The following RAB4A variants were observed in gnomAD, a reference collection of about 807,000 sequenced individuals.
RAB4A encodes ras-related protein Rab-4A.
Under a neutral mutation model 34.5 loss-of-function variants are expected in RAB4A, and 20 were observed. The observed-to-expected ratio is 0.58, with a 90% confidence interval of 0.41 to 0.84. The LOEUF (loss-of-function observed/expected upper bound fraction) is 0.84. Among genes scored for constraint, RAB4A ranks in the 40% least tolerant of loss-of-function variants. RAB4A has a pLI of 0.00. For synonymous variants in RAB4A, 102 were observed against 100.0 expected, an observed-to-expected ratio of 1.02 and a Z score of -0.12; for missense variants, 228 against 274.5, an observed-to-expected ratio of 0.83 and a Z score of 1.20.
intron 1 of RAB4A, among the ~76,000 whole-genome samples, chr1:229,279,840 T>TATC (rs2308086): frequency 0.24 from 37,117 of 151,946 alleles, 5,165 homozygotes; most frequent in African/African-American, 0.39. Flanking sequence ...TGAATATAAT[T>TATC]ATAAACTGAG....
In RAB4A at chr1:229,305,287, T is replaced by C; in HGVS notation, c.*1494T>C. 1 of 1,597,408 alleles carries C rather than the reference T, an allele frequency of 6.3e-7. No homozygotes were observed. The highest frequency in any genetic ancestry group is 8.5e-7 in the Non-Finnish European group (1 of 1,174,568). On this transcript the variant is annotated 3_prime_UTR_variant, in exon 8 of 8. Coordinates refer to ENST00000366690, the MANE Select transcript of RAB4A (RefSeq NM_004578.4). The stretch of plus-strand genomic sequence containing the variant: ...CTCACTGTAAGAATATTTTATTCAA[T>C]GTCTCATTTATGATAGATTTGCAAG...
At chr1:229,280,390 T>TA (rs1656751857) in intron 1 of RAB4A, among the ~76,000 whole-genome samples, 1 of 152,234 alleles carries the variant, frequency 6.6e-6, no homozygotes, top group Non-Finnish European at 1.5e-5. Flanking sequence ...CTGCGTTATC[T>TA]AAATACATGT....
intron 3 of RAB4A, 144 bp from the exon 4 acceptor site, chr1:229,295,704 T>C (rs1657234362): frequency 1.4e-6 from 1 of 732,588 alleles, no homozygotes; most frequent in South Asian, 1.8e-5. Context: ...TATGTTCAAA[T>C]ATCTTTGAAT....
intron 5 of RAB4A, 140 bp downstream of exon 5, chr1:229,297,776 A>G (rs1356501217): frequency 2.0e-6 from 2 of 991,788 alleles, no homozygotes; most frequent in Non-Finnish European, 2.8e-6. Flanking sequence ...GTTTTTTTCT[A>G]TAAATTAGAC....
chr1:229,286,342 T>TGTA (rs1027977985), intron 1 of RAB4A, 144 bp from the exon 2 acceptor site: 31 of 577,568 alleles, frequency 5.4e-5, no homozygotes, highest in Admixed American at 7.6e-5. Context: ...AGTCAACATA[T>TGTA]GTATTGTCAT....
intron 1 of RAB4A, among the ~76,000 whole-genome samples, chr1:229,284,094 G>GTTTTTTT (rs773213321): frequency 1.1e-4 from 5 of 45,910 alleles, no homozygotes; most frequent in African/African-American, 2.0e-4. Flanking sequence ...GTGTTGTTTG[G>GTTTTTTT]TTTTTTTTTT....
intron 6 of RAB4A, among the ~76,000 whole-genome samples, chr1:229,302,272 TATATATATATATATATATATATATA>T (rs1558242123): frequency 5.0e-4 from 6 of 12,070 alleles, no homozygotes; most frequent in Non-Finnish European, 7.8e-4. Flanking sequence ...TATATATATA[TATATATATATATATATATATATATA>T]TATATATATA....
intron 3 of RAB4A, among the ~76,000 whole-genome samples, 199 bp from the exon 4 acceptor site, chr1:229,295,649 A>G (rs1215076857): frequency 6.6e-6 from 1 of 152,068 alleles, no homozygotes; most frequent in African/African-American, 2.4e-5. Flanking sequence ...GGAATCTCCT[A>G]CTTGCCACAG....
At chr1:229,295,478 T>C (rs1657225375) in intron 3 of RAB4A, among the ~76,000 whole-genome samples, 1 of 151,806 alleles carries the variant, frequency 6.6e-6, no homozygotes, top group African/African-American at 2.4e-5. Context: ...ATGGAGAAAA[T>C]TGTGCCAGGG....
chr1:229,271,290 C>T lies in RAB4A; in HGVS notation c.-50C>T. 3 of 1,329,546 alleles carry T rather than the reference C, an allele frequency of 2.3e-6. No individual in the cohort carries two copies. Among genetic ancestry groups the T allele is most frequent in the African/African-American group, 3.1e-5 (2 of 65,226 alleles). 82.4% of individuals were successfully genotyped at this position (1,329,546 alleles called of 1,614,324 possible). On this transcript the variant is annotated 5_prime_UTR_variant, in exon 1 of 8. Transcript: ENST00000366690. ...TCCCCACCGAGACGCGCCGGCGGAC[C>T]GCGGGCGAGTGCAGCCGGTGACCCG...
intron 1 of RAB4A, among the ~76,000 whole-genome samples, chr1:229,277,912 T>TG (rs1373957276): frequency 6.6e-6 from 1 of 151,430 alleles, no homozygotes; most frequent in African/African-American, 2.5e-5. Flanking sequence ...TTGCCCAGTC[T>TG]GGAGTGCAGT....
At chr1:229,286,672 G>C (rs1656931786) in intron 2 of RAB4A, 106 bp downstream of exon 2, 1 of 667,444 alleles carries the variant, frequency 1.5e-6, no homozygotes, top group Non-Finnish European at 2.5e-6. Context: ...AAAAGTAATA[G>C]TTTGAAAGTA....
At chr1:229,283,405 C>A (rs1656827698) in intron 1 of RAB4A, among the ~76,000 whole-genome samples, 1 of 152,204 alleles carries the variant, frequency 6.6e-6, no homozygotes, top group South Asian at 2.1e-4. Flanking sequence ...TCGGCCTTTG[C>A]TGGCATGGGT....
chr1:229,290,053 T>C (rs1267024857), intron 3 of RAB4A, among the ~76,000 whole-genome samples: 1 of 152,116 alleles, frequency 6.6e-6, no homozygotes, highest in Non-Finnish European at 1.5e-5. Context: ...AAAAAAATCT[T>C]AAAGATAGGA....
At chr1:229,293,354 A>G (rs1347120963) in intron 3 of RAB4A, among the ~76,000 whole-genome samples, 5 of 152,138 alleles carry the variant, frequency 3.3e-5, no homozygotes, top group Non-Finnish European at 7.4e-5. Context: ...GTGAGGCTAT[A>G]AGTTCCAGCA....
chr1:229,274,495 A>G (rs757702070), intron 1 of RAB4A, among the ~76,000 whole-genome samples: 3 of 152,224 alleles, frequency 2.0e-5, no homozygotes, highest in Admixed American at 1.3e-4. Flanking sequence ...AAGTCACCAC[A>G]TGAATACTGT....
chr1:229,272,667 T>TCCC (rs1215433116), intron 1 of RAB4A, among the ~76,000 whole-genome samples: 120 of 152,008 alleles, frequency 7.9e-4, no homozygotes, highest in African/African-American at 2.8e-3. Context: ...AAGAAGGGTG[T>TCCC]GTTTTGAGTA....
chr1:229,284,209 C>T (rs1656862254), intron 1 of RAB4A, among the ~76,000 whole-genome samples: 1 of 148,356 alleles, frequency 6.7e-6, no homozygotes, highest in South Asian at 2.2e-4. Context: ...CAGCAATTCT[C>T]CTGCCTCAGC....
chr1:229,293,815 G>A (rs1388191681), intron 3 of RAB4A, among the ~76,000 whole-genome samples: 2 of 152,168 alleles, frequency 1.3e-5, no homozygotes, highest in Non-Finnish European at 1.5e-5. Context: ...GAGACCCAAG[G>A]GACAAGGAAA....
Sources: allele counts gnomAD v4.1 joint callset (sites outside exome capture counted in the v4.1 genomes callset), GRCh38; gene constraint gnomAD v4.1.1; transcripts MANE v1.5; gene names NCBI Gene and HGNC (gene_info 2026-07-23, HGNC 2026-07-21).